Variants in SEZ6L2 observed in about 807,000 individuals in gnomAD.
SEZ6L2 encodes the protein seizure related 6 homolog like 2.
SEZ6L2 carries 44 observed loss-of-function variants against 97.0 expected under a neutral mutation model. That is an observed-to-expected ratio of 0.45 (90% confidence interval 0.36 to 0.58). The LOEUF (loss-of-function observed/expected upper bound fraction) is 0.58. Among genes scored for constraint, SEZ6L2 ranks in the 20% least tolerant of loss-of-function variants. The probability of loss-of-function intolerance (pLI) is 0.00; values close to 1 mark genes in which losing one functional copy is unlikely to be tolerated. For missense variants in SEZ6L2, 1,086 were observed against 1,233.3 expected (o/e 0.88, Z 1.79); for synonymous variants, 543 against 546.1 (o/e 0.99, Z 0.08).
Position 29,871,466 on chromosome 16 carries a change from C to T in SEZ6L2, c.*233G>A, listed in dbSNP as rs917145389. The stretch of plus-strand genomic sequence containing the variant: ...TCCCAGAATCCAAAAGCCGGTAGGG[C>T]GGGGGGCAGGCCCCTCGTTTGGCAA... On this transcript the variant is annotated 3_prime_UTR_variant, in exon 18 of 18. Transcript: ENST00000617533. 2 of 596,480 alleles carry T rather than the reference C, an allele frequency of 3.4e-6. No individual in the cohort carries two copies. Among genetic ancestry groups the T allele is most frequent in the Non-Finnish European group, 3.0e-6 (1 of 333,584 alleles). 36.9% of individuals were successfully genotyped at this position (596,480 alleles called of 1,614,324 possible).
chr16:29,880,017 C>T lies in SEZ6L2; in HGVS notation c.1420G>A (p.Val474Ile). 3 of 1,614,212 alleles carry T rather than the reference C, an allele frequency of 1.9e-6. No individual in the cohort carries two copies. The highest frequency in any genetic ancestry group is 1.1e-5 in the South Asian group (1 of 91,084). Reference sequence around the variant, plus strand: ...CGATACTCAGGGTCCGTGGTAGTGACATTTCCATGTGCCAGGAAGGGGGCG... The same window carrying T: ...CGATACTCAGGGTCCGTGGTAGTGATATTTCCATGTGCCAGGAAGGGGGCG... ...CFAPFLAHGN[V>I]TTTDPEYRPG... The change falls in exon 9 of 18, where the codon GTC becomes ATC. Residue 474 changes from valine (V) to isoleucine (I), a missense_variant. This residue lies in a region of SEZ6L2 where 776 missense variants were observed against 794.7 expected (regional missense o/e 0.98). Coordinates refer to ENST00000617533, the MANE Select transcript of SEZ6L2 (RefSeq NM_001243332.2).
Position 29,885,577 on chromosome 16 carries a change from G to T in SEZ6L2, c.1372+9C>A, listed in dbSNP as rs760758749. 5.6e-6 allele frequency: 9 copies of T among 1,611,540 alleles called. No individual in the cohort carries two copies. The highest frequency in any genetic ancestry group is 5.9e-6 in the Non-Finnish European group (7 of 1,178,064). On this transcript the variant is annotated intron_variant, in intron 8 of 17. Transcript: ENST00000617533. ...CGGTTGGGGTCCTGTGGGGGAGTGGGTCACTTACCTTCAAATCGAAGGCTT... is the reference window on the plus strand; with the variant it reads ...CGGTTGGGGTCCTGTGGGGGAGTGGTTCACTTACCTTCAAATCGAAGGCTT...
chr16:29,878,981 C>T (rs1174889404), intron 9 of SEZ6L2, among the ~76,000 whole-genome samples: 1 of 152,000 alleles, frequency 6.6e-6, no homozygotes, highest in Non-Finnish European at 1.5e-5. Flanking sequence ...CGGCTCACTG[C>T]AATCTCCACC....
chr16:29,886,792 G>T (rs1262616000), intron 7 of SEZ6L2, among the ~76,000 whole-genome samples: 1 of 152,110 alleles, frequency 6.6e-6, no homozygotes, highest in Non-Finnish European at 1.5e-5. Flanking sequence ...AACCTGAAGA[G>T]GGAAGTATTG....
chr16:29,890,963 AC>A (rs1475356864), intron 5 of SEZ6L2, among the ~76,000 whole-genome samples: 1 of 150,550 alleles, frequency 6.6e-6, no homozygotes, highest in Non-Finnish European at 1.5e-5. Context: ...ATTTTTTGAG[AC>A]GGAGTATTGC....
At chr16:29,892,809 T>TG (rs1237899616) in intron 5 of SEZ6L2, among the ~76,000 whole-genome samples, 4 of 152,236 alleles carry the variant, frequency 2.6e-5, no homozygotes, top group Non-Finnish European at 5.9e-5. Flanking sequence ...AACAGGGCAC[T>TG]GGCTGGGCCC....
Position 29,899,057 on chromosome 16 carries a change from A to G in SEZ6L2, c.-38T>C, listed in dbSNP as rs2068472906. On this transcript the variant is annotated 5_prime_UTR_variant, in exon 1 of 18. Coordinates refer to ENST00000617533, the MANE Select transcript of SEZ6L2 (RefSeq NM_001243332.2). ...CGATCTCTCTCCTCTGTGCCTCTCTAAGTAATCTGGCTGCCACCTTTCCTC... is the reference window on the plus strand; with the variant it reads ...CGATCTCTCTCCTCTGTGCCTCTCTGAGTAATCTGGCTGCCACCTTTCCTC... The G allele has an allele frequency of 4.1e-6, 6 of 1,464,346 alleles. No individual in the cohort carries two copies. The highest frequency in any genetic ancestry group is 3.8e-6 in the Non-Finnish European group (4 of 1,060,762). The allele number at this position is 1,464,346 out of a possible 1,614,324, so 90.7% of individuals were successfully genotyped here.
chr16:29,872,682 T>TCTCCACCTGTGC (rs1480617945), intron 15 of SEZ6L2, 23 bp downstream of exon 15: 2 of 1,612,412 alleles, frequency 1.2e-6, no homozygotes. Flanking sequence ...CCAGCCTGGG[T>TCTCCACCTGTGC]CTCCACCTGT....
intron 5 of SEZ6L2, among the ~76,000 whole-genome samples, chr16:29,890,870 T>A (rs1308841490): frequency 1.4e-5 from 2 of 147,454 alleles, no homozygotes; most frequent in Non-Finnish European, 3.0e-5. Context: ...TCCCTCAGCC[T>A]CCCAAGTAGC....
chr16:29,873,405 C>G lies in SEZ6L2; in HGVS notation c.2323G>C (p.Gly775Arg). Residue 775 changes from glycine (G) to arginine (R), a missense_variant, in exon 14 of 18, where the codon GGG becomes CGG. Physicochemically the swap from Gly to Arg is moderately radical, Grantham distance 125. Transcript: ENST00000617533. The surrounding 1 kb of genome is among the most constrained non-coding windows in gnomAD (Gnocchi z 4.3). ...ALKYEPCLNP[G>R]VPENGYQTLY... ...GTCTGGTAGCCATTCTCGGGAACCCCCGGGTTCAGGCACGGCTCGTACTTC... is the reference window on the plus strand; with the variant it reads ...GTCTGGTAGCCATTCTCGGGAACCCGCGGGTTCAGGCACGGCTCGTACTTC... The G allele has an allele frequency of 6.2e-7, 1 of 1,614,230 alleles. No homozygotes were observed. The highest frequency in any genetic ancestry group is 8.5e-7 in the Non-Finnish European group (1 of 1,180,038).
At position 29,873,662 on chromosome 16, in the gene SEZ6L2, G is replaced by A. The variant is rs780342932; in HGVS notation, c.2172C>T (p.Pro724=). The change falls in exon 13 of 18, where the codon CCC becomes CCT. Residue 724 remains proline (P), a synonymous_variant. Coordinates refer to ENST00000617533, the MANE Select transcript of SEZ6L2 (RefSeq NM_001243332.2). This position sits in a 1 kb window ranked among gnomAD's most constrained non-coding sequence, Gnocchi z 4.3. The part of the protein sequence containing the change: ...GHRTASDAGF[P]VGSHVQYRCL... ...AGCGGTACTGGACGTGGGAGCCAAC[G>A]GGGAAGCCGGCGTCCGAGGCGGTGC... is the stretch of plus-strand genomic sequence containing the variant. 4.0e-5 allele frequency: 64 copies of A among 1,613,438 alleles called. No homozygotes were observed. The Middle Eastern group carries it at 5.0e-4, about 12-fold the overall frequency.
intron 8 of SEZ6L2, 121 bp from the exon 9 acceptor site, chr16:29,880,185 AAC>A (rs1807685777): frequency 4.6e-6 from 4 of 867,622 alleles, no homozygotes; most frequent in Non-Finnish European, 6.9e-6. Context: ...TTTTTTTTTA[AAC>A]AGTCTTGTGC....
chr16:29,874,610 C>T (rs1337011789), intron 12 of SEZ6L2, among the ~76,000 whole-genome samples: 2 of 105,950 alleles, frequency 1.9e-5, no homozygotes, highest in African/African-American at 3.6e-5. Flanking sequence ...CTCGCTCTGT[C>T]GCCCAGGCTG....
At chr16:29,885,962 A>G (rs2068131148) in intron 7 of SEZ6L2, 1 of 464,376 alleles carries the variant, frequency 2.2e-6, no homozygotes, top group Non-Finnish European at 3.8e-6. Flanking sequence ...ATAGATGAGG[A>G]TATTAGGGCA....
At chr16:29,887,459 C>T (rs1253551329) in intron 7 of SEZ6L2, among the ~76,000 whole-genome samples, 190 bp downstream of exon 7, 1 of 148,940 alleles carries the variant, frequency 6.7e-6, no homozygotes, top group African/African-American at 2.5e-5. Flanking sequence ...CACCACCATG[C>T]CCGGCTAATT....
intron 8 of SEZ6L2, among the ~76,000 whole-genome samples, chr16:29,882,328 C>G (rs879829774): frequency 7.2e-5 from 11 of 151,818 alleles, no homozygotes; most frequent in Admixed American, 1.3e-4. Context: ...TGTAATCCCC[C>G]CACTTTGGGA....
At chr16:29,886,680 TA>T (rs60991015) in intron 7 of SEZ6L2, among the ~76,000 whole-genome samples, 37,034 of 138,566 alleles carry the variant, frequency 0.27, 5,104 homozygotes, top group Non-Finnish European at 0.35. Flanking sequence ...GACTCCATCT[TA>T]AAAAAAAAAA....
At position 29,873,153 on chromosome 16, in the gene SEZ6L2, A is replaced by G. The variant is rs990180897; in HGVS notation, c.2488+87T>C. On this transcript the variant is annotated intron_variant, in intron 14 of 17. Transcript: ENST00000617533. This position sits in a 1 kb window ranked among gnomAD's most constrained non-coding sequence, Gnocchi z 4.3. ...AACCGGGAGCTCTGTGGGGTCGCCC[A>G]TTGGTCTCAAATGTGCTACCTGACT... The G allele has an allele frequency of 1.4e-6, 2 of 1,467,844 alleles. No homozygotes were observed. The highest frequency in any genetic ancestry group is 1.4e-5 in the African/African-American group (1 of 72,212). 90.9% of individuals were successfully genotyped at this position (1,467,844 alleles called of 1,614,324 possible).
At chr16:29,877,199 C>A in intron 11 of SEZ6L2, 72 bp downstream of exon 11, 1 of 1,440,746 alleles carries the variant, frequency 6.9e-7, no homozygotes, top group East Asian at 2.5e-5. Flanking sequence ...CGTGAGCCAC[C>A]ACGACCGGCC....
Sources: gnomAD v4.1 joint callset for allele counts (sites outside exome capture counted in the v4.1 genomes callset) on GRCh38, gnomAD v4.1.1 for gene constraint, gnomAD v4.1.1 regional missense constraint, Gnocchi (gnomAD v3.1) non-coding constraint, MANE v1.5 for transcripts, NCBI Gene and HGNC (gene_info 2026-07-23, HGNC 2026-07-21) for gene names.